Variants in ADGRB3 observed in about 807,000 individuals in gnomAD.
ADGRB3 encodes the protein adhesion G protein-coupled receptor B3, also known as brain-specific angiogenesis inhibitor 3.
Under a neutral mutation model 193.4 loss-of-function variants are expected in ADGRB3, and 37 were observed. The observed-to-expected ratio is 0.19, with a 90% CI of 0.15 to 0.25. The LOEUF is 0.25. Among genes scored for constraint, ADGRB3 ranks in the 10% least tolerant of loss-of-function variants. ADGRB3 has a pLI of 1.00. For synonymous variants in ADGRB3, 690 were observed against 644.2 expected (o/e 1.07, Z -1.08); for missense variants, 1,637 against 1,852.9 (o/e 0.88, Z 2.14).
intron 3 of ADGRB3, among the ~76,000 whole-genome samples, chr6:68,896,102 C>T (rs1209411272): frequency 6.6e-6 from 1 of 152,028 alleles, no homozygotes; most frequent in African/African-American, 2.4e-5. Flanking sequence ...TTAAGAAGAA[C>T]ATACACACTT....
intron 3 of ADGRB3, among the ~76,000 whole-genome samples, chr6:68,703,188 G>A (rs1458883989): frequency 1.3e-5 from 2 of 152,068 alleles, no homozygotes; most frequent in East Asian, 3.9e-4. Flanking sequence ...GTTTTAAAGC[G>A]GCCATAATGT....
chr6:68,991,000 C>A (rs1769222053), intron 10 of ADGRB3, among the ~76,000 whole-genome samples: 1 of 152,092 alleles, frequency 6.6e-6, no homozygotes, highest in South Asian at 2.1e-4. Flanking sequence ...ACCCTTCATG[C>A]ATATCCTGAG....
chr6:68,830,520 T>C (rs894661073), intron 3 of ADGRB3, among the ~76,000 whole-genome samples: 24 of 152,172 alleles, frequency 1.6e-4, no homozygotes, highest in African/African-American at 5.8e-4. Flanking sequence ...TATATTACTA[T>C]TTGGAAAAGT....
chr6:69,014,204 T>C, intron 12 of ADGRB3, 98 bp downstream of exon 12: 1 of 884,858 alleles, frequency 1.1e-6, no homozygotes, highest in Non-Finnish European at 1.7e-6. Flanking sequence ...AAACAAGATA[T>C]TTTTAAGTCA....
intron 29 of ADGRB3, among the ~76,000 whole-genome samples, chr6:69,363,085 A>G (rs928110302): frequency 6.6e-6 from 1 of 152,004 alleles, no homozygotes; most frequent in Non-Finnish European, 1.5e-5. Flanking sequence ...TGCTGGATTG[A>G]TATTGTACAG....
intron 20 of ADGRB3, among the ~76,000 whole-genome samples, chr6:69,259,682 C>A (rs1217804696): frequency 2.5e-5 from 3 of 118,440 alleles, no homozygotes; most frequent in African/African-American, 3.5e-5. Context: ...GGTGACAGAG[C>A]GAGACTCTGT....
intron 3 of ADGRB3, among the ~76,000 whole-genome samples, chr6:68,841,075 G>A (rs1032324580): frequency 1.3e-5 from 2 of 151,802 alleles, no homozygotes; most frequent in Non-Finnish European, 2.9e-5. Context: ...TATATGTACC[G>A]AACACTGAAG....
intron 3 of ADGRB3, among the ~76,000 whole-genome samples, chr6:68,854,244 T>C (rs1764892234): frequency 6.6e-6 from 1 of 152,214 alleles, no homozygotes; most frequent in Admixed American, 6.5e-5. Flanking sequence ...TTTATCTATA[T>C]TGAGTTTGCC....
intron 17 of ADGRB3, among the ~76,000 whole-genome samples, chr6:69,179,538 C>A (rs1184303337): frequency 2.6e-5 from 4 of 152,180 alleles, no homozygotes; most frequent in African/African-American, 9.7e-5. Context: ...CCTTTGCTGG[C>A]ATCACTACAT....
intron 25 of ADGRB3, 91 bp downstream of exon 25, chr6:69,339,105 T>C: frequency 7.3e-7 from 1 of 1,371,066 alleles, no homozygotes; most frequent in South Asian, 1.2e-5. Flanking sequence ...TGTTTTCTAA[T>C]ACAAGACCAG....
intron 8 of ADGRB3, among the ~76,000 whole-genome samples, chr6:68,961,959 A>G (rs930429555): frequency 6.6e-6 from 1 of 152,118 alleles, no homozygotes; most frequent in Non-Finnish European, 1.5e-5. Context: ...TACCTGTTGC[A>G]TTCTTCAAAA....
At chr6:69,010,497 G>A (rs186312127) in intron 11 of ADGRB3, among the ~76,000 whole-genome samples, 1 of 151,940 alleles carries the variant, frequency 6.6e-6, no homozygotes, top group Non-Finnish European at 1.5e-5. Context: ...AAATCATAAA[G>A]TTGCCATATA....
chr6:69,068,721 C>A (rs937418757), intron 16 of ADGRB3, among the ~76,000 whole-genome samples: 2 of 152,160 alleles, frequency 1.3e-5, no homozygotes, highest in Admixed American at 6.6e-5. Context: ...GTCATCACAT[C>A]TATAAAAATA....
chr6:69,370,604 C>A (rs1769687087), intron 29 of ADGRB3, among the ~76,000 whole-genome samples: 1 of 152,054 alleles, frequency 6.6e-6, no homozygotes, highest in Admixed American at 6.6e-5. Context: ...CATTGACATA[C>A]CTGCTCTCAG....
At chr6:68,685,541 C>T (rs561413027) in intron 3 of ADGRB3, among the ~76,000 whole-genome samples, 16 of 151,892 alleles carry the variant, frequency 1.1e-4, no homozygotes, top group Non-Finnish European at 2.2e-4. Context: ...TGTGCTGACT[C>T]AAACTTGAGA....
At chr6:69,140,614 A>G (rs1214086410) in intron 17 of ADGRB3, among the ~76,000 whole-genome samples, 1 of 152,216 alleles carries the variant, frequency 6.6e-6, no homozygotes, top group Non-Finnish European at 1.5e-5. Flanking sequence ...ATTGTCAATA[A>G]TAATTTAATT....
intron 3 of ADGRB3, among the ~76,000 whole-genome samples, chr6:68,753,764 A>T (rs1484827987): frequency 2.6e-5 from 4 of 152,216 alleles, no homozygotes; most frequent in Admixed American, 2.0e-4. Context: ...ATTGACAAAA[A>T]TAAAGCAGCC....
chr6:68,921,607 T>C (rs1357867207), intron 3 of ADGRB3, among the ~76,000 whole-genome samples: 1 of 152,130 alleles, frequency 6.6e-6, no homozygotes, highest in Non-Finnish European at 1.5e-5. Flanking sequence ...CCTCTTCAAG[T>C]AGAAAAATCT....
chr6:68,788,957 G>A (rs138512022), intron 3 of ADGRB3, among the ~76,000 whole-genome samples: 1 of 152,022 alleles, frequency 6.6e-6, no homozygotes, highest in African/African-American at 2.4e-5. Context: ...GTCTGTTTTA[G>A]CAGAGACTGG....
Sources: gnomAD v4.1 joint callset for allele counts (sites outside exome capture counted in the v4.1 genomes callset) on GRCh38, gnomAD v4.1.1 for gene constraint, MANE v1.5 for transcripts, NCBI Gene and HGNC (gene_info 2026-07-23, HGNC 2026-07-21) for gene names.